Variants in SLC25A29 observed in about 807,000 individuals in gnomAD.
SLC25A29 encodes solute carrier family 25 member 29.
A neutral mutation model predicts 10.0 loss-of-function variants in SLC25A29; 13 were observed. The ratio of observed to expected loss-of-function variants is 1.30; its 90% confidence interval spans 0.85 to 2.07. The LOEUF is 2.07. SLC25A29 is among the 30% of genes most tolerant of loss of function. SLC25A29 has a pLI of 0.00. For synonymous variants in SLC25A29, 244 were observed against 221.1 expected (o/e 1.10, Z -0.92); for missense variants, 475 against 447.6 (o/e 1.06, Z -0.55).
At chr14:100,280,301 A>C in the SLC25A29 span, 1 of 152,202 alleles carries the variant, frequency 6.6e-6, no homozygotes, top group Non-Finnish European at 1.5e-5. Flanking sequence ...TTTATAAGTA[A>C]TACTGATAGA....
the SLC25A29 span, chr14:100,279,177 TA>T: frequency 6.6e-6 from 1 of 152,256 alleles, no homozygotes; most frequent in East Asian, 1.9e-4. Flanking sequence ...GAATACTTTA[TA>T]AACTGCCATG....
rs1892962619 is a variant in SLC25A29, at chr14:100,306,439, C to G, written c.-207G>C. 1 of 373,968 alleles carries G rather than the reference C, an allele frequency of 2.7e-6. No individual in the cohort carries two copies. Among genetic ancestry groups the G allele is most frequent in the Non-Finnish European group, 4.6e-6 (1 of 216,674 alleles). 23.2% of individuals were successfully genotyped at this position (373,968 alleles called of 1,614,324 possible). A position where few individuals can be genotyped will look rare whatever the true frequency, so the allele number is the denominator to read the frequency against. On this transcript the variant is annotated 5_prime_UTR_variant, in exon 1 of 4. Coordinates refer to ENST00000359232, the MANE Select transcript of SLC25A29 (RefSeq NM_001039355.3). The stretch of plus-strand genomic sequence containing the variant: ...GCGCTGGTCCCTCGGCGGCAGCTGA[C>G]TCGCTGGATCCCCTCCGGCCCGCGG...
chr14:100,304,691 C>A (rs1892795758), intron 1 of SLC25A29, among the ~76,000 whole-genome samples: 1 of 152,178 alleles, frequency 6.6e-6, no homozygotes, highest in South Asian at 2.1e-4. Flanking sequence ...GGATGGGCAG[C>A]GAAGGACATT....
At chr14:100,298,282 G>A (rs1224065605) in intron 2 of SLC25A29, 1 of 158,990 alleles carries the variant, frequency 6.3e-6, no homozygotes, top group Non-Finnish European at 1.4e-5. Flanking sequence ...GGGGTTTATT[G>A]GGGAATTTCC....
Position 100,292,529 on chromosome 14 carries a change from C to T in SLC25A29, c.666G>A (p.Leu222=). Residue 222 remains leucine, a synonymous_variant, in exon 4 of 4, where the codon CTG becomes CTA. Coordinates refer to ENST00000359232, the MANE Select transcript of SLC25A29 (RefSeq NM_001039355.3). ...VVKSRLQADG[L]RGAPRYRGIL... is the part of the protein sequence containing the mutation. Reference sequence around the variant, plus strand: ...TGCCGCGGTAGCGCGGGGCGCCCCGCAGTCCGTCCGCCTGCAGCCGCGACT... The same window carrying T: ...TGCCGCGGTAGCGCGGGGCGCCCCGTAGTCCGTCCGCCTGCAGCCGCGACT... 6.3e-7 allele frequency: 1 copy of T among 1,593,232 alleles called. No homozygotes were observed. Among genetic ancestry groups the T allele is most frequent in the Non-Finnish European group, 8.5e-7 (1 of 1,171,502 alleles).
chr14:100,295,900 G>A (rs780500300), intron 2 of SLC25A29: 14 of 1,289,738 alleles, frequency 1.1e-5, no homozygotes, highest in Non-Finnish European at 1.4e-5. Flanking sequence ...CCTTCGTGTA[G>A]AAACGTGTGA....
rs1421346087 is a variant in SLC25A29 at position 100,299,596 on chromosome 14, A to G, written c.35-711T>C. ...AAAATCCAGCCCCTCTTGAAGGACAAAGGTTCACCCCTCCAAAATGGCTCA... is the reference window on the plus strand; with the variant it reads ...AAAATCCAGCCCCTCTTGAAGGACAGAGGTTCACCCCTCCAAAATGGCTCA... On this transcript the variant is annotated intron_variant, in intron 1 of 3. Coordinates refer to ENST00000359232, the MANE Select transcript of SLC25A29 (RefSeq NM_001039355.3). 11 of 985,710 alleles carry G rather than the reference A, an allele frequency of 1.1e-5. No homozygotes were observed. In the African/African-American group the frequency reaches 1.7e-4, roughly 16 times the overall value. 61.1% of individuals were successfully genotyped at this position (985,710 alleles called of 1,614,324 possible).
chr14:100,286,478 G>GC (rs1555371676), downstream of SLC25A29, among the ~76,000 whole-genome samples: 12 of 149,404 alleles, frequency 8.0e-5, 1 homozygote, highest in Admixed American at 6.6e-4. Context: ...GCTGGGGGGG[G>GC]GGGTGTTGCT....
At chr14:100,284,729 GGATAAGGCTGT>G in the SLC25A29 span, among the ~76,000 whole-genome samples, 1 of 152,178 alleles carries the variant, frequency 6.6e-6, no homozygotes, top group Non-Finnish European at 1.5e-5. Flanking sequence ...GGAGGAAGGA[GGATAAGGCTGT>G]GATAAATAGG....
chr14:100,282,295 T>A, the SLC25A29 span: 1 of 31,714 alleles, frequency 3.2e-5, no homozygotes. Flanking sequence ...ACCCAGATGC[T>A]GTAAAAAAAA....
rs202203341 is a variant in SLC25A29 at position 100,301,913 on chromosome 14, AC to A, written c.35-3029del. On this transcript the variant is annotated intron_variant, in intron 1 of 3. Coordinates refer to ENST00000359232, the MANE Select transcript of SLC25A29 (RefSeq NM_001039355.3). The stretch of plus-strand genomic sequence containing the variant: ...TGCCCCACCCACCCCAGTAAGAGCT[AC>A]CCGAAGAAGGCTCCCATCCCTGCCA... Among the ~76,000 whole-genome samples, 120 of 152,008 alleles carry A rather than the reference AC, an allele frequency of 7.9e-4. No individual in the cohort carries two copies. In the East Asian group the frequency reaches 0.017, roughly 22 times the overall value.
intron 2 of SLC25A29, 35 bp downstream of exon 2, chr14:100,298,807 C>T (rs769179671): frequency 5.0e-6 from 8 of 1,613,864 alleles, no homozygotes; most frequent in African/African-American, 1.3e-5. Flanking sequence ...CTCCAATGTA[C>T]GCGCCGAGGA....
chr14:100,296,053 C>A, intron 2 of SLC25A29: 17 of 1,272,136 alleles, frequency 1.3e-5, no homozygotes, highest in Non-Finnish European at 1.7e-5. Context: ...TGTGACAGTA[C>A]GGACTGACAC....
chr14:100,284,852 C>A, the SLC25A29 span, among the ~76,000 whole-genome samples: 1 of 152,152 alleles, frequency 6.6e-6, no homozygotes, highest in Admixed American at 6.5e-5. Context: ...CGAGCCTGAC[C>A]AAAATGGAGA....
chr14:100,297,164 C>T (rs147866836), intron 2 of SLC25A29, among the ~76,000 whole-genome samples: 147 of 152,294 alleles, frequency 9.7e-4, no homozygotes, highest in African/African-American at 2.4e-3. Flanking sequence ...GCTGCTGGAG[C>T]GACAGAGTGG....
rs747209027 is a variant in SLC25A29 at position 100,292,404 on chromosome 14, G to A, written c.791C>T (p.Ala264Val). The change falls in exon 4 of 4, where the codon GCC becomes GTC. Residue 264 changes from alanine to valine, a missense_variant. Physicochemically the swap from Ala to Val is moderately conservative, Grantham distance 64. Transcript: ENST00000359232. ...CACCACCGTGACGGTGGCGAAGGTG[G>A]CAGCGTTGACGGGGAAGGCGCGCAG... ...TLLRAFPVNAATFATVTVVLT... is the reference protein window; with the variant it reads ...TLLRAFPVNAVTFATVTVVLT... 34 of 1,574,188 alleles carry A rather than the reference G, an allele frequency of 2.2e-5. 1 individual carries two copies. In the Admixed American group the frequency reaches 3.7e-4, roughly 17 times the overall value.
chr14:100,295,889 C>A (rs1185207501), intron 2 of SLC25A29: 8 of 1,289,640 alleles, frequency 6.2e-6, no homozygotes, highest in Non-Finnish European at 8.1e-6. Flanking sequence ...ACAGAAAACT[C>A]CCTTCGTGTA....
chr14:100,297,675 G>A (rs951748251), intron 2 of SLC25A29, among the ~76,000 whole-genome samples: 23 of 152,222 alleles, frequency 1.5e-4, no homozygotes, highest in African/African-American at 3.1e-4. Flanking sequence ...CCTCACTCTC[G>A]GCAGGCCGGT....
intron 3 of SLC25A29, 93 bp from the exon 4 acceptor site, chr14:100,293,125 C>T: frequency 1.4e-6 from 2 of 1,454,080 alleles, no homozygotes; most frequent in Non-Finnish European, 9.1e-7. Flanking sequence ...CCCAGCCCAC[C>T]CCAGGGGCTC....
Sources: allele counts gnomAD v4.1 joint callset (sites outside exome capture counted in the v4.1 genomes callset), GRCh38; gene constraint gnomAD v4.1.1; transcripts MANE v1.5; gene names NCBI Gene and HGNC (gene_info 2026-07-23, HGNC 2026-07-21).